GRIPAP1: variants seen among roughly 807,000 people sequenced by gnomAD.
GRIPAP1 encodes the protein GRIP1 associated protein 1.
Under a neutral mutation model 84.1 loss-of-function variants are expected in GRIPAP1, and 14 were observed. The ratio of observed to expected loss-of-function variants is 0.17; its 90% CI spans 0.11 to 0.26. The LOEUF is 0.26. GRIPAP1 is among the 10% of genes least tolerant of loss of function. The pLI is 1.00. For missense variants in GRIPAP1, 518 were observed against 674.2 expected, an observed-to-expected ratio of 0.77 and a Z score of 2.57; for synonymous variants, 261 against 256.8, an observed-to-expected ratio of 1.02 and a Z score of -0.15.
intron 13 of GRIPAP1, among the ~76,000 whole-genome samples, 188 bp downstream of exon 13, chrX:48,987,597 T>TAAAA (rs782093107): frequency 1.1e-5 from 1 of 92,752 alleles, no homozygotes; most frequent in South Asian, 4.8e-4. Flanking sequence ...TTTTAAAAGT[T>TAAAA]AAAAAAAAAA....
intron 21 of GRIPAP1, 87 bp downstream of exon 21, chrX:48,981,128 G>A (rs927637176): frequency 5.7e-5 from 36 of 628,929 alleles, no homozygotes; most frequent in Non-Finnish European, 9.0e-5. Flanking sequence ...GCACAGCTGA[G>A]GAAGATGCAG....
At chrX:48,982,831 G>C in intron 17 of GRIPAP1, 148 bp downstream of exon 17, 3 of 471,755 alleles carry the variant, frequency 6.4e-6, no homozygotes, top group Non-Finnish European at 3.8e-6. Context: ...ATCCACTCCA[G>C]AGGGCTGCTA....
At chrX:48,994,827 T>A (rs782109273) in intron 5 of GRIPAP1, among the ~76,000 whole-genome samples, 1 of 112,048 alleles carries the variant, frequency 8.9e-6, no homozygotes, top group African/African-American at 3.2e-5. Flanking sequence ...GTTTTCCTCA[T>A]CTGTCAGATA....
intron 11 of GRIPAP1, among the ~76,000 whole-genome samples, chrX:48,988,906 A>C (rs782413545): frequency 9.0e-6 from 1 of 110,668 alleles, no homozygotes; most frequent in South Asian, 3.8e-4. Flanking sequence ...CTCCATTCCA[A>C]GGGACCTCAG....
intron 6 of GRIPAP1, 176 bp from the exon 7 acceptor site, chrX:48,991,286 CT>C (rs781898018): frequency 0.043 from 12,832 of 297,491 alleles, no homozygotes; most frequent in East Asian, 0.053. Context: ...ACATTTTTTT[CT>C]TTTTTTTTTT....
chrX:48,989,728 G>T lies in GRIPAP1; in HGVS notation c.771-18C>A. The T allele has an allele frequency of 8.9e-7, 1 of 1,125,181 alleles. No individual in the cohort carries two copies. The highest frequency in any genetic ancestry group is 1.2e-6 in the Non-Finnish European group (1 of 816,569). The allele number at this position is 1,125,181 out of a possible 1,213,427, so 92.7% of individuals were successfully genotyped here. ...TCTTGTTCCTAGGAGTGATGGGGAG[G>T]GGGTGTGTTGGACATGGCTTGAGGC... On this transcript the variant is annotated intron_variant, in intron 10 of 25. Coordinates refer to ENST00000376423, the MANE Select transcript of GRIPAP1 (RefSeq NM_020137.5).
intron 1 of GRIPAP1, among the ~76,000 whole-genome samples, chrX:49,001,367 AG>A (rs2064579002): frequency 2.8e-5 from 1 of 36,177 alleles, no homozygotes; most frequent in Non-Finnish European, 5.0e-5. Context: ...CCCCCCCCCC[AG>A]TGAGGAACCC....
chrX:48,997,215 C>G, intron 5 of GRIPAP1, 35 bp downstream of exon 5: 1 of 792,157 alleles, frequency 1.3e-6, no homozygotes, highest in Non-Finnish European at 1.9e-6. Context: ...ACCCCTACCC[C>G]TCATTTCCCC....
In GRIPAP1 at chrX:48,974,068, C is replaced by A. The variant is rs142263938; in HGVS notation, c.*125G>T. The A allele has an allele frequency of 4.5e-4, 209 of 463,726 alleles. No homozygotes were observed. In the East Asian group the frequency reaches 7.7e-3, roughly 17 times the overall value. The allele number at this position is 463,726 out of a possible 1,213,427, so 38.2% of individuals were successfully genotyped here. A position where few individuals can be genotyped will look rare whatever the true frequency, so the allele number is the denominator to read the frequency against. On this transcript the variant is annotated 3_prime_UTR_variant, in exon 26 of 26. Transcript: ENST00000376423. ...TAACACTAACCATCAGGCCTCTAGC[C>A]CCTTTAATGTCCAGTCTCCCAAGCT...
At position 48,983,849 on chromosome X, in the gene GRIPAP1, G is replaced by C; in HGVS notation, c.1198C>G (p.Arg400Gly). The change falls in exon 15 of 26, where the codon CGA becomes GGA. Residue 400 changes from arginine to glycine, a missense_variant. Physicochemically the swap from Arg to Gly is moderately radical, Grantham distance 125. Coordinates refer to ENST00000376423, the MANE Select transcript of GRIPAP1 (RefSeq NM_020137.5). ...QLQESLRANS[R>G]LLEQLQEIGQ... is the part of the protein sequence containing the mutation. ...ATTTCTTGAAGTTGTTCCAGCAGTC[G>C]ACTATTGGCCCGTAATGACTCCTAA... is the stretch of plus-strand genomic sequence containing the variant. 4 of 1,180,354 alleles carry C rather than the reference G, an allele frequency of 3.4e-6. No individual in the cohort carries two copies. Among genetic ancestry groups the C allele is most frequent in the Non-Finnish European group, 4.6e-6 (4 of 867,319 alleles).
intron 25 of GRIPAP1, 61 bp from the exon 26 acceptor site, chrX:48,974,346 G>C: frequency 1.4e-6 from 1 of 708,089 alleles, no homozygotes; most frequent in Non-Finnish European, 2.2e-6. Flanking sequence ...CTTGCCAAAC[G>C]TAGGGTATCA....
chrX:48,999,045 C>A, intron 3 of GRIPAP1, 193 bp downstream of exon 3: 2 of 361,809 alleles, frequency 5.5e-6, no homozygotes, highest in Non-Finnish European at 9.5e-6. Flanking sequence ...TAAAATTAAT[C>A]ACTAAATTAA....
At chrX:48,979,345 C>T (rs1379886049) in intron 21 of GRIPAP1, among the ~76,000 whole-genome samples, 1 of 104,263 alleles carries the variant, frequency 9.6e-6, no homozygotes, top group Non-Finnish European at 2.0e-5. Flanking sequence ...GGCGTGGTGG[C>T]GGGTGCCTGT....
At chrX:48,974,833 T>A (rs1386999020) in intron 25 of GRIPAP1, among the ~76,000 whole-genome samples, 3 of 111,322 alleles carry the variant, frequency 2.7e-5, no homozygotes, top group Non-Finnish European at 5.7e-5. Context: ...GAGAATGATA[T>A]GTCAAGAAAT....
At chrX:48,985,509 G>C in intron 13 of GRIPAP1, 107 bp from the exon 14 acceptor site, 1 of 619,709 alleles carries the variant, frequency 1.6e-6, no homozygotes, top group East Asian at 3.3e-5. Flanking sequence ...GGTGGGAAGA[G>C]AACCAGGAAG....
intron 21 of GRIPAP1, 112 bp downstream of exon 21, chrX:48,981,103 G>A (rs1330063250): frequency 3.9e-6 from 2 of 511,999 alleles, no homozygotes; most frequent in African/African-American, 4.7e-5. Flanking sequence ...GTTCCAGAGC[G>A]ACAGAAGCAG....
intron 13 of GRIPAP1, among the ~76,000 whole-genome samples, chrX:48,986,742 G>A (rs1419683583): frequency 8.9e-6 from 1 of 112,082 alleles, no homozygotes; most frequent in African/African-American, 3.2e-5. Flanking sequence ...TGTTGGCTAG[G>A]CTGGTCTCAA....
At chrX:48,999,546 C>T (rs1307686675) in intron 1 of GRIPAP1, 42 bp from the exon 2 acceptor site, 6 of 989,170 alleles carry the variant, frequency 6.1e-6, no homozygotes, top group East Asian at 3.0e-5. Flanking sequence ...GTCAGGAAAG[C>T]GCCCCTACCC....
intron 22 of GRIPAP1, chrX:48,977,449 C>T (rs1557060794): frequency 5.4e-5 from 6 of 110,185 alleles, no homozygotes; most frequent in African/African-American, 1.7e-4. Flanking sequence ...CTCAACCTTT[C>T]GAGTAGCTGG....
Sources: allele counts gnomAD v4.1 joint callset (sites outside exome capture counted in the v4.1 genomes callset), GRCh38; gene constraint gnomAD v4.1.1; transcripts MANE v1.5; gene names NCBI Gene and HGNC (gene_info 2026-07-23, HGNC 2026-07-21).